MACROD1: variants seen among roughly 807,000 people sequenced by gnomAD.
The protein encoded by MACROD1 is ADP-ribose glycohydrolase MACROD1.
In MACROD1, 31 loss-of-function variants were observed where a neutral mutation model predicts 41.4. The observed-to-expected ratio is 0.75, with a 90% CI of 0.56 to 1.01. MACROD1 has a LOEUF of 1.01. Among genes scored for constraint, MACROD1 ranks in the 50% least tolerant of loss-of-function variants. The pLI is 0.00. For missense variants in MACROD1, 473 were observed against 460.0 expected (o/e 1.03, Z -0.26); for synonymous variants, 252 against 203.4 (o/e 1.24, Z -2.03).
intron 3 of MACROD1, among the ~76,000 whole-genome samples, chr11:64,133,089 C>A (rs916773320): frequency 6.6e-6 from 1 of 152,112 alleles, no homozygotes; most frequent in Admixed American, 6.5e-5. Context: ...GGGAACTAGA[C>A]CTCCCCAGGA....
Position 64,122,033 on chromosome 11 carries a change from G to A in MACROD1, c.517+29206C>T, listed in dbSNP as rs192083439. On this transcript the variant is annotated intron_variant, in intron 3 of 10. Transcript: ENST00000255681. The surrounding 1 kb of genome is among the most constrained non-coding windows in gnomAD (Gnocchi z 4.0). ...GAGAGAGAGAAGGCACCAGCAGGCC[G>A]GGAATCATTTGCATTTTGCGAATGA... is the stretch of plus-strand genomic sequence containing the variant. Among the ~76,000 whole-genome samples, 3 of 152,218 alleles carry A rather than the reference G, an allele frequency of 2.0e-5. No individual in the cohort carries two copies. Among genetic ancestry groups the A allele is most frequent in the East Asian group, 1.9e-4 (1 of 5,188 alleles).
chr11:64,023,536 T>C (rs1029928982), intron 3 of MACROD1, among the ~76,000 whole-genome samples: 2 of 152,156 alleles, frequency 1.3e-5, no homozygotes, highest in African/African-American at 4.8e-5. Context: ...GCACTCCTGG[T>C]AAGTCAGGGA....
intron 3 of MACROD1, among the ~76,000 whole-genome samples, chr11:64,111,830 A>C (rs1211758670): frequency 2.0e-5 from 3 of 152,206 alleles, no homozygotes. Context: ...AGGTGGTCAG[A>C]TAAGGGTCAG....
At chr11:64,011,597 C>T (rs1479777247) in intron 4 of MACROD1, among the ~76,000 whole-genome samples, 4 of 151,898 alleles carry the variant, frequency 2.6e-5, no homozygotes, top group Non-Finnish European at 4.4e-5. Flanking sequence ...GAGTCCATTC[C>T]GGTGGGGAGG....
intron 3 of MACROD1, among the ~76,000 whole-genome samples, chr11:64,026,369 G>T (rs781580707): frequency 6.6e-6 from 1 of 152,024 alleles, no homozygotes; most frequent in East Asian, 1.9e-4. Context: ...ACTACCCCAC[G>T]CCCAGCCACC....
intron 4 of MACROD1, among the ~76,000 whole-genome samples, chr11:64,004,786 A>C (rs1942883103): frequency 6.6e-6 from 1 of 152,112 alleles, no homozygotes; most frequent in Admixed American, 6.5e-5. Context: ...GGGGTGACTC[A>C]TGCCTGTAAT....
At chr11:64,117,578 G>C in intron 3 of MACROD1, 2 of 1,611,136 alleles carry the variant, frequency 1.2e-6, no homozygotes, top group Non-Finnish European at 1.7e-6. Flanking sequence ...ATGGCGCCAA[G>C]ACCCTGGCCA....
At position 64,117,562 on chromosome 11, in the gene MACROD1, C is replaced by T. The variant is rs759462490; in HGVS notation, c.517+33677G>A. 15 of 1,606,546 alleles carry T rather than the reference C, an allele frequency of 9.3e-6. No individual in the cohort carries two copies. Among genetic ancestry groups the T allele is most frequent in the South Asian group, 2.2e-5 (2 of 90,486 alleles). ...TCCAACATTGACTACCCCATGGCCACGGGTGATGGCGCCAAGACCCTGGCC... is the reference window on the plus strand; with the variant it reads ...TCCAACATTGACTACCCCATGGCCATGGGTGATGGCGCCAAGACCCTGGCC... On this transcript the variant is annotated intron_variant, in intron 3 of 10. Coordinates refer to ENST00000255681, the MANE Select transcript of MACROD1 (RefSeq NM_014067.4).
At chr11:64,155,110 G>A (rs1945647348) in intron 1 of MACROD1, among the ~76,000 whole-genome samples, 1 of 152,198 alleles carries the variant, frequency 6.6e-6, no homozygotes, top group Non-Finnish European at 1.5e-5. Context: ...ACGGTGTGTG[G>A]GCACCTGAGG....
intron 3 of MACROD1, among the ~76,000 whole-genome samples, chr11:64,124,907 C>T (rs1467102312): frequency 2.0e-5 from 3 of 152,244 alleles, no homozygotes; most frequent in South Asian, 2.1e-4. Context: ...ATTGAACTCC[C>T]AGCCTCAGGT....
At chr11:64,165,602 G>A (rs903197755) in intron 1 of MACROD1, 95 bp downstream of exon 1, 2 of 1,152,818 alleles carry the variant, frequency 1.7e-6, no homozygotes, top group South Asian at 2.2e-5. Flanking sequence ...AGGTCTCTCG[G>A]GTGGAAGGGG....
At chr11:64,019,908 C>T (rs1174186708) in intron 3 of MACROD1, among the ~76,000 whole-genome samples, 1 of 152,016 alleles carries the variant, frequency 6.6e-6, no homozygotes, top group East Asian at 1.9e-4. Context: ...GGCACGGGGA[C>T]GTGCATGATG....
intron 3 of MACROD1, among the ~76,000 whole-genome samples, chr11:64,058,914 G>A (rs921055549): frequency 2.0e-5 from 3 of 152,178 alleles, no homozygotes; most frequent in Admixed American, 2.0e-4. Context: ...CACAGCTGGA[G>A]GTGGGGGTGA....
chr11:64,034,349 G>A (rs1461699373), intron 3 of MACROD1, among the ~76,000 whole-genome samples: 4 of 152,226 alleles, frequency 2.6e-5, no homozygotes, highest in Non-Finnish European at 5.9e-5. Context: ...GGCATTGTGG[G>A]TGATTTTTCT....
intron 3 of MACROD1, among the ~76,000 whole-genome samples, chr11:64,124,746 T>G (rs1345517177): frequency 6.6e-6 from 1 of 152,044 alleles, no homozygotes; most frequent in Non-Finnish European, 1.5e-5. Flanking sequence ...AATGGTGCAA[T>G]CTCGGCTCAC....
rs1943379259 is a variant in MACROD1, at chr11:64,036,313, C to T, written c.518-21032G>A. On this transcript the variant is annotated intron_variant, in intron 3 of 10. Transcript: ENST00000255681. The surrounding 1 kb of genome is among the most constrained non-coding windows in gnomAD (Gnocchi z 5.6). The stretch of plus-strand genomic sequence containing the variant: ...CCAGAGCGGCGGGAGATGGGACGCC[C>T]AGCCTTTGGGATTTGGGGTGGGGGT... Among the ~76,000 whole-genome samples, 1 of 152,138 alleles carries T rather than the reference C, an allele frequency of 6.6e-6. No homozygotes were observed. The highest frequency in any genetic ancestry group is 1.5e-5 in the Non-Finnish European group (1 of 67,996).
At chr11:64,023,611 G>C (rs1194922623) in intron 3 of MACROD1, among the ~76,000 whole-genome samples, 4 of 152,072 alleles carry the variant, frequency 2.6e-5, no homozygotes, top group African/African-American at 9.7e-5. Context: ...ACGAGCCTGG[G>C]AGCTGCTCAA....
At chr11:64,134,932 C>T (rs1283415721) in intron 3 of MACROD1, among the ~76,000 whole-genome samples, 1 of 152,194 alleles carries the variant, frequency 6.6e-6, no homozygotes, top group Non-Finnish European at 1.5e-5. Flanking sequence ...CCAGGGTCCT[C>T]GGTCCCAGGG....
In MACROD1 at chr11:64,023,838, C is replaced by T. The variant is rs1332292256; in HGVS notation, c.518-8557G>A. Among the ~76,000 whole-genome samples the T allele has an allele frequency of 2.0e-5, 3 of 152,322 alleles. No homozygotes were observed. The East Asian group carries it at 5.8e-4, about 29-fold the overall frequency. On this transcript the variant is annotated intron_variant, in intron 3 of 10. Coordinates refer to ENST00000255681, the MANE Select transcript of MACROD1 (RefSeq NM_014067.4). ...CTGGTCTAATCGAGGCATCCCACCC[C>T]CACGCCTCTCCCCATAAAAGCCTCA... is the stretch of plus-strand genomic sequence containing the variant.
Sources: allele counts gnomAD v4.1 joint callset (sites outside exome capture counted in the v4.1 genomes callset), GRCh38; gene constraint gnomAD v4.1.1; non-coding constraint Gnocchi (gnomAD v3.1); transcripts MANE v1.5; gene names NCBI Gene and HGNC (gene_info 2026-07-23, HGNC 2026-07-21).